ZNF574: variants seen among roughly 807,000 people sequenced by gnomAD.
ZNF574 encodes the protein zinc finger protein 574.
Under a neutral mutation model 56.6 loss-of-function variants are expected in ZNF574, and 25 were observed. The observed-to-expected ratio is 0.44, with a 90% CI of 0.32 to 0.62. The LOEUF is 0.62. ZNF574 is among the 20% of genes least tolerant of loss of function. The probability of loss-of-function intolerance (pLI) is 0.04; values close to 1 mark genes in which losing one functional copy is unlikely to be tolerated. For synonymous variants in ZNF574, 543 were observed against 492.1 expected, an observed-to-expected ratio of 1.10 and a Z score of -1.37; for missense variants, 1,065 against 1,218.9, an observed-to-expected ratio of 0.87 and a Z score of 1.88.
chr19:42,072,581 C>CT (rs2076431694), upstream of ZNF574, among the ~76,000 whole-genome samples: 1 of 130,654 alleles, frequency 7.7e-6, no homozygotes, highest in African/African-American at 2.9e-5. Context: ...TTTTTTTTTT[C>CT]TTTAGATGGA....
chr19:42,081,270 G>T lies in ZNF574; in HGVS notation c.2664G>T (p.Glu888Asp). The T allele has an allele frequency of 6.2e-7, 1 of 1,614,134 alleles. No individual in the cohort carries two copies. The highest frequency in any genetic ancestry group is 8.5e-7 in the Non-Finnish European group (1 of 1,180,034). Reference sequence around the variant, plus strand: ...CCATTGAGATCTACCCTCTGGCCGAGGCTGAGGGGGTCCAGATCAGTGGCT... The same window carrying T: ...CCATTGAGATCTACCCTCTGGCCGATGCTGAGGGGGTCCAGATCAGTGGCT... The part of the protein sequence containing the change: ...VEAIEIYPLA[E>D]AEGVQISG Residue 888 changes from glutamate to aspartate, a missense_variant, in exon 2 of 2, where the codon GAG (glutamate) becomes GAT (aspartate). Physicochemically the swap from Glu to Asp is conservative, Grantham distance 45. Transcript: ENST00000359044.
Position 42,081,547 on chromosome 19 carries a change from C to T in ZNF574, c.*250C>T, listed in dbSNP as rs999151360. On this transcript the variant is annotated 3_prime_UTR_variant, in exon 2 of 2. Coordinates refer to ENST00000359044, the MANE Select transcript of ZNF574 (RefSeq NM_022752.6). ...GAAACCATCAATAAAGACTGAGTTG[C>T]CAGCAGTGTGTAGAGTGGAATTTGG... 4 of 576,830 alleles carry T rather than the reference C, an allele frequency of 6.9e-6. No homozygotes were observed. The highest frequency in any genetic ancestry group is 3.8e-5 in the African/African-American group (2 of 53,122). 35.7% of individuals were successfully genotyped at this position (576,830 alleles called of 1,614,324 possible). A position where few individuals can be genotyped will look rare whatever the true frequency, so the allele number is the denominator to read the frequency against.
rs540537470 is a variant in ZNF574, at chr19:42,081,213, G to A, written c.2607G>A (p.Glu869=). The stretch of plus-strand genomic sequence containing the variant: ...CTGCCGTTGGCCTGGCCGTCATGGA[G>A]ACTGCTGTGGAGGCGCTACCCCTGG... The part of the protein sequence containing the change: ...AEAAVGLAVM[E]TAVEALPLVE... The change falls in exon 2 of 2, where the codon GAG becomes GAA. Residue 869 remains glutamate, a synonymous_variant. Coordinates refer to ENST00000359044, the MANE Select transcript of ZNF574 (RefSeq NM_022752.6). 3 of 1,614,174 alleles carry A rather than the reference G, an allele frequency of 1.9e-6. No individual in the cohort carries two copies. The Admixed American group carries it at 5.0e-5, about 27-fold the overall frequency.
intron 1 of ZNF574, 129 bp downstream of exon 1, chr19:42,076,415 C>T (rs2076456087): frequency 1.3e-5 from 2 of 151,904 alleles, no homozygotes. Flanking sequence ...CGGAGCGGCA[C>T]CAACGGCCGA....
chr19:42,070,421 A>G (rs552574843), intron 1 of ZNF574: 3 of 152,838 alleles, frequency 2.0e-5, no homozygotes, highest in Admixed American at 1.3e-4. Context: ...CACCCCCTCT[A>G]CCACACCATG....
Position 42,080,297 on chromosome 19 carries a change from C to T in ZNF574, c.1691C>T (p.Ser564Phe). The T allele has an allele frequency of 6.2e-7, 1 of 1,614,168 alleles. No individual in the cohort carries two copies. Among genetic ancestry groups the T allele is most frequent in the Non-Finnish European group, 8.5e-7 (1 of 1,180,014 alleles). The change falls in exon 2 of 2, where the codon TCC becomes TTC. Residue 564 changes from serine to phenylalanine, a missense_variant. Ser to Phe is a radical substitution (Grantham distance 155, BLOSUM62 -2). Coordinates refer to ENST00000359044, the MANE Select transcript of ZNF574 (RefSeq NM_022752.6). This position sits in a 1 kb window ranked among gnomAD's most constrained non-coding sequence, Gnocchi z 8.5. Reference sequence around the variant, plus strand: ...TGTGGCAAGGCTTTCACGCAAAGCTCCACACTGAGGCAGCACCGCTTGGTG... The same window carrying T: ...TGTGGCAAGGCTTTCACGCAAAGCTTCACACTGAGGCAGCACCGCTTGGTG... The part of the protein sequence containing the change: ...GDCGKAFTQS[S>F]TLRQHRLVHA...
rs763490524 is a variant in ZNF574 at position 42,079,562 on chromosome 19, T to C, written c.956T>C (p.Leu319Pro). Residue 319 changes from leucine to proline, a missense_variant, in exon 2 of 2, where the codon CTC becomes CCC. By Grantham distance (98) the Leu-to-Pro change is moderately conservative (BLOSUM62 -3). Coordinates refer to ENST00000359044, the MANE Select transcript of ZNF574 (RefSeq NM_022752.6). The surrounding 1 kb of genome is among the most constrained non-coding windows in gnomAD (Gnocchi z 4.3). ...TGCTCAGCCTGTGACCAGCTCTTTCTCTCACCCCACCAGCTACAGCAGCAC... is the reference window on the plus strand; with the variant it reads ...TGCTCAGCCTGTGACCAGCTCTTTCCCTCACCCCACCAGCTACAGCAGCAC... ...LFCSACDQLF[L>P]SPHQLQQHLR... The C allele has an allele frequency of 6.2e-7, 1 of 1,614,124 alleles. No individual in the cohort carries two copies. Among genetic ancestry groups the C allele is most frequent in the Non-Finnish European group, 8.5e-7 (1 of 1,180,024 alleles).
chr19:42,075,859 C>A (rs962503742), upstream of ZNF574, among the ~76,000 whole-genome samples: 2 of 152,184 alleles, frequency 1.3e-5, no homozygotes, highest in Non-Finnish European at 2.9e-5. Flanking sequence ...GCGCCGCCCT[C>A]CGCTCAGAGT....
intron 1 of ZNF574, among the ~76,000 whole-genome samples, chr19:42,070,159 G>A (rs905031979): frequency 2.0e-5 from 3 of 152,072 alleles, no homozygotes; most frequent in Admixed American, 6.5e-5. Context: ...CTCCGAGGCC[G>A]CCGCCTGCCT....
intron 1 of ZNF574, chr19:42,070,964 G>A (rs2076414472): frequency 6.6e-6 from 1 of 152,644 alleles, no homozygotes; most frequent in African/African-American, 2.4e-5. Flanking sequence ...TGGAGATGCG[G>A]GGCAAGCCTC....
Position 42,081,305 on chromosome 19 carries a change from C to T in ZNF574, c.*8C>T, listed in dbSNP as rs376183724. 7.6e-5 allele frequency: 122 copies of T among 1,614,088 alleles called. 1 individual carries two copies. In the African/African-American group the frequency reaches 1.0e-3, roughly 14 times the overall value. Reference sequence around the variant, plus strand: ...GTCCAGATCAGTGGCTGACTCTGCCCGACTTCCTCTTTGGCACCTCCATTC... The same window carrying T: ...GTCCAGATCAGTGGCTGACTCTGCCTGACTTCCTCTTTGGCACCTCCATTC... On this transcript the variant is annotated 3_prime_UTR_variant, in exon 2 of 2. Transcript: ENST00000359044.
chr19:42,074,378 C>G (rs560508908), upstream of ZNF574, among the ~76,000 whole-genome samples: 12 of 151,290 alleles, frequency 7.9e-5, no homozygotes, highest in South Asian at 1.9e-3. Context: ...TCGCTTGAAC[C>G]TGGGAGGCGG....
upstream of ZNF574, among the ~76,000 whole-genome samples, chr19:42,075,786 C>A (rs751302662): frequency 7.9e-6 from 1 of 127,346 alleles, no homozygotes; most frequent in African/African-American, 2.5e-5. Flanking sequence ...GTCCCCAACG[C>A]TGACTCCCTC....
rs1243966367 is a variant in ZNF574 at position 42,079,026 on chromosome 19, C to G, written c.420C>G (p.Leu140=). The change falls in exon 2 of 2, where the codon CTC becomes CTG. Residue 140 remains leucine (L), a synonymous_variant. Coordinates refer to ENST00000359044, the MANE Select transcript of ZNF574 (RefSeq NM_022752.6). This position sits in a 1 kb window ranked among gnomAD's most constrained non-coding sequence, Gnocchi z 4.3. Reference sequence around the variant, plus strand: ...AGGCTCTCTTTGCCAGCCAGGAGCTCTGGCTGAACCACCGGCAGACGCACC... The same window carrying G: ...AGGCTCTCTTTGCCAGCCAGGAGCTGTGGCTGAACCACCGGCAGACGCACC... ...DCKALFASQE[L]WLNHRQTHLR... is the part of the protein sequence containing the mutation. 2 of 1,614,162 alleles carry G rather than the reference C, an allele frequency of 1.2e-6. No homozygotes were observed. Among genetic ancestry groups the G allele is most frequent in the East Asian group, 2.2e-5 (1 of 44,880 alleles).
At chr19:42,068,693 G>A (rs1393447329) in exon 1 of ZNF574, 3 of 446,780 alleles carry the variant, frequency 6.7e-6, no homozygotes, top group South Asian at 9.5e-5. Context: ...CTGACAGAGA[G>A]AGGGATCTAA....
chr19:42,081,127 C>T lies in ZNF574; in HGVS notation c.2521C>T (p.Arg841Cys), dbSNP rs771710343. The T allele has an allele frequency of 4.3e-6, 7 of 1,614,144 alleles. No homozygotes were observed. The highest frequency in any genetic ancestry group is 5.1e-6 in the Non-Finnish European group (6 of 1,180,054). ...YRSFSNLWKH[R>C]KTHQQQHQAA... Reference sequence around the variant, plus strand: ...CTCCTTCTCCAACCTCTGGAAGCACCGCAAGACCCATCAGCAGCAGCATCA... The same window carrying T: ...CTCCTTCTCCAACCTCTGGAAGCACTGCAAGACCCATCAGCAGCAGCATCA... Residue 841 changes from arginine (R) to cysteine (C), a missense_variant, in exon 2 of 2, where the codon CGC (arginine) becomes TGC (cysteine). By Grantham distance (180) the Arg-to-Cys change is radical (BLOSUM62 -3). Coordinates refer to ENST00000359044, the MANE Select transcript of ZNF574 (RefSeq NM_022752.6).
At chr19:42,076,710 A>AT (rs1459036714) in intron 1 of ZNF574, among the ~76,000 whole-genome samples, 1 of 152,188 alleles carries the variant, frequency 6.6e-6, no homozygotes, top group Non-Finnish European at 1.5e-5. Context: ...GAGAAAGATA[A>AT]TTAAGTTAAT....
At chr19:42,076,921 G>T (rs2076460284) in intron 1 of ZNF574, among the ~76,000 whole-genome samples, 2 of 152,098 alleles carry the variant, frequency 1.3e-5, no homozygotes, top group South Asian at 4.1e-4. Flanking sequence ...GGAATGCGTG[G>T]AAAGGAGTCT....
rs144043275 is a variant in ZNF574, at chr19:42,076,700, G to A, written c.-21+414G>A. ...GTGCCCAGTTAGGGGCTTAGGGCGT[G>A]AGAAAGATAATTAAGTTAATGCAGG... On this transcript the variant is annotated intron_variant, in intron 1 of 1. Transcript: ENST00000359044. 2.2e-3 allele frequency among the ~76,000 whole-genome samples: 330 copies of A among 152,342 alleles called. 1 individual carries two copies. The highest frequency in any genetic ancestry group is 3.2e-3 in the Non-Finnish European group (218 of 68,038).
Sources: gnomAD v4.1 joint callset for allele counts (sites outside exome capture counted in the v4.1 genomes callset) on GRCh38, gnomAD v4.1.1 for gene constraint, Gnocchi (gnomAD v3.1) non-coding constraint, MANE v1.5 for transcripts, NCBI Gene and HGNC (gene_info 2026-07-23, HGNC 2026-07-21) for gene names.